The following MTHFSD variants were observed in gnomAD, a reference collection of about 807,000 sequenced individuals.
The protein encoded by MTHFSD is methenyltetrahydrofolate synthase domain-containing protein.
Under a neutral mutation model 31.1 loss-of-function variants are expected in MTHFSD, and 37 were observed. The observed-to-expected ratio is 1.19, with a 90% CI of 0.91 to 1.56. The LOEUF (loss-of-function observed/expected upper bound fraction) is 1.56. Among genes scored for constraint, MTHFSD ranks in the 40% most tolerant of loss-of-function variants. MTHFSD has a pLI of 0.00. For missense variants in MTHFSD, 664 were observed against 510.1 expected (o/e 1.30, Z -2.91); for synonymous variants, 221 against 206.9 (o/e 1.07, Z -0.59).
intron 3 of MTHFSD, among the ~76,000 whole-genome samples, chr16:86,551,307 G>C (rs1172316652): frequency 6.6e-6 from 1 of 152,108 alleles, no homozygotes; most frequent in Non-Finnish European, 1.5e-5. Flanking sequence ...TTCAGTTGAG[G>C]AACAAGTGCT....
chr16:86,551,425 A>T (rs1973129070), intron 3 of MTHFSD, among the ~76,000 whole-genome samples: 1 of 152,204 alleles, frequency 6.6e-6, no homozygotes, highest in Non-Finnish European at 1.5e-5. Context: ...TCTTCCTTGT[A>T]ATCTTCCTCC....
At chr16:86,541,158 T>C in intron 7 of MTHFSD, 1 of 1,288,984 alleles carries the variant, frequency 7.8e-7, no homozygotes, top group African/African-American at 1.5e-5. Context: ...AGGGTCAAAC[T>C]CCTACTGCAG....
Position 86,535,308 on chromosome 16 carries a change from C to T in MTHFSD, c.682-2827G>A, listed in dbSNP as rs547723876. ...AAAGGATGACAAGGCTTCACATCAG[C>T]TCCCTCCTCCTCAAGCTCTAATGGC... On this transcript the variant is annotated intron_variant, in intron 7 of 7. Coordinates refer to ENST00000360900, the MANE Select transcript of MTHFSD (RefSeq NM_001159377.2). 6.9e-5 allele frequency: 27 copies of T among 392,460 alleles called. No individual in the cohort carries two copies. The East Asian group carries it at 4.3e-3, about 63-fold the overall frequency. The allele number at this position is 392,460 out of a possible 1,614,324, so 24.3% of individuals were successfully genotyped here.
chr16:86,546,433 C>A, intron 5 of MTHFSD, 126 bp downstream of exon 5: 1 of 811,756 alleles, frequency 1.2e-6, no homozygotes, highest in South Asian at 1.5e-5. Flanking sequence ...GCAGCGGCTT[C>A]GGAGACCAGG....
At position 86,542,319 on chromosome 16, in the gene MTHFSD, G is replaced by A. The variant is rs1971643942; in HGVS notation, c.443-106C>T. 1.7e-5 allele frequency: 16 copies of A among 916,140 alleles called. No homozygotes were observed. Among genetic ancestry groups the A allele is most frequent in the Middle Eastern group, 2.2e-4 (1 of 4,518 alleles). The allele number at this position is 916,140 out of a possible 1,614,324, so 56.8% of individuals were successfully genotyped here. On this transcript the variant is annotated intron_variant, in intron 5 of 7. Transcript: ENST00000360900. This position sits in a 1 kb window ranked among gnomAD's most constrained non-coding sequence, Gnocchi z 4.6. ...AGAAGAAACTTGAACCCAATATCCCGAGCTAATCTATAGAAATTTTCACAG... is the reference window on the plus strand; with the variant it reads ...AGAAGAAACTTGAACCCAATATCCCAAGCTAATCTATAGAAATTTTCACAG...
intron 2 of MTHFSD, 128 bp downstream of exon 2, chr16:86,554,517 T>A: frequency 5.2e-6 from 4 of 762,094 alleles, no homozygotes; most frequent in Non-Finnish European, 8.8e-6. Flanking sequence ...TGGCTTTGAT[T>A]TCACACCACT....
chr16:86,555,166 C>G lies in MTHFSD; in HGVS notation c.16+3G>C, dbSNP rs577129060. 1.0e-4 allele frequency: 156 copies of G among 1,536,776 alleles called. No individual in the cohort carries two copies. Among genetic ancestry groups the G allele is most frequent in the East Asian group, 2.7e-4 (11 of 41,012 alleles). On this transcript the variant is annotated splice_donor_region_variant and intron_variant, in intron 1 of 7. Coordinates refer to ENST00000360900, the MANE Select transcript of MTHFSD (RefSeq NM_001159377.2). ...CGCCCCGGAGCCCCGCCAGGCCCCC[C>G]ACCTGCCCTCGGCTCCATGGTGATG... is the stretch of plus-strand genomic sequence containing the variant.
chr16:86,554,122 C>T (rs1005832701), intron 2 of MTHFSD, among the ~76,000 whole-genome samples: 5 of 152,138 alleles, frequency 3.3e-5, no homozygotes, highest in Admixed American at 3.3e-4. Flanking sequence ...CCTCTCCAAT[C>T]CCCTTCCACA....
chr16:86,542,832 A>T lies in MTHFSD; in HGVS notation c.443-619T>A, dbSNP rs1971712621. On this transcript the variant is annotated intron_variant, in intron 5 of 7. Coordinates refer to ENST00000360900, the MANE Select transcript of MTHFSD (RefSeq NM_001159377.2). This position sits in a 1 kb window ranked among gnomAD's most constrained non-coding sequence, Gnocchi z 4.6. ...CGAGGTTTAACAGCCTCTCTAGCCAAATCAGCTATTCAGAGACAAAAATGC... is the reference window on the plus strand; with the variant it reads ...CGAGGTTTAACAGCCTCTCTAGCCATATCAGCTATTCAGAGACAAAAATGC... Among the ~76,000 whole-genome samples, 1 of 152,234 alleles carries T rather than the reference A, an allele frequency of 6.6e-6. No homozygotes were observed. Among genetic ancestry groups the T allele is most frequent in the Non-Finnish European group, 1.5e-5 (1 of 68,046 alleles).
At chr16:86,547,445 C>T in intron 4 of MTHFSD, 1 of 986,286 alleles carries the variant, frequency 1.0e-6, no homozygotes. Flanking sequence ...TGGATCAGTG[C>T]ATACGGGTGG....
intron 4 of MTHFSD, chr16:86,548,207 C>T (rs1361614271): frequency 9.4e-7 from 1 of 1,065,542 alleles, no homozygotes; most frequent in East Asian, 4.2e-5. Context: ...CCCGTCTTCC[C>T]TTTTCTTACA....
intron 5 of MTHFSD, among the ~76,000 whole-genome samples, chr16:86,544,469 A>T (rs1196054476): frequency 6.6e-6 from 1 of 152,236 alleles, no homozygotes; most frequent in African/African-American, 2.4e-5. Context: ...GCCAACAAAC[A>T]TGGAAAAAAG....
At chr16:86,546,688 G>T in intron 4 of MTHFSD, 39 bp from the exon 5 acceptor site, 1 of 1,514,072 alleles carries the variant, frequency 6.6e-7, no homozygotes, top group Non-Finnish European at 9.2e-7. Context: ...TTCAACTCCA[G>T]CTGCTTCCTC....
At chr16:86,537,748 G>T (rs1376997809) in intron 7 of MTHFSD, among the ~76,000 whole-genome samples, 5 of 152,232 alleles carry the variant, frequency 3.3e-5, no homozygotes, top group African/African-American at 1.2e-4. Context: ...GCAGCATACT[G>T]TGGCCATCTG....
intron 7 of MTHFSD, among the ~76,000 whole-genome samples, chr16:86,536,267 C>T (rs1298801474): frequency 6.6e-6 from 1 of 152,216 alleles, no homozygotes; most frequent in Non-Finnish European, 1.5e-5. Flanking sequence ...TAAGACACTT[C>T]CAAATAGCCA....
intron 2 of MTHFSD, 99 bp downstream of exon 2, chr16:86,554,546 T>G: frequency 1.1e-5 from 11 of 963,924 alleles, no homozygotes; most frequent in Admixed American, 5.6e-5. Flanking sequence ...CTCGCCACAT[T>G]CTCATCCACC....
intron 2 of MTHFSD, chr16:86,553,618 C>T (rs1567559611): frequency 6.4e-6 from 1 of 157,126 alleles, no homozygotes; most frequent in Non-Finnish European, 1.4e-5. Context: ...CTGCAGCCTG[C>T]CATGCCTGAG....
At chr16:86,538,769 C>G (rs573659368) in intron 7 of MTHFSD, among the ~76,000 whole-genome samples, 6 of 152,332 alleles carry the variant, frequency 3.9e-5, no homozygotes, top group African/African-American at 1.4e-4. Context: ...GGTACCATCT[C>G]CAGCCTGGCA....
intron 5 of MTHFSD, among the ~76,000 whole-genome samples, chr16:86,544,192 G>T (rs1322438341): frequency 6.6e-6 from 1 of 152,192 alleles, no homozygotes. Flanking sequence ...TGGAAAAATT[G>T]TCTTCCATGA....
Sources: gnomAD v4.1 joint callset for allele counts (sites outside exome capture counted in the v4.1 genomes callset) on GRCh38, gnomAD v4.1.1 for gene constraint, Gnocchi (gnomAD v3.1) non-coding constraint, MANE v1.5 for transcripts, NCBI Gene and HGNC (gene_info 2026-07-23, HGNC 2026-07-21) for gene names.